Variants in ZFPM1 observed in about 807,000 individuals in gnomAD.
ZFPM1 encodes the protein zinc finger protein, FOG family member 1.
ZFPM1 carries 28 observed loss-of-function variants against 46.3 expected under a neutral mutation model. The ratio of observed to expected loss-of-function variants is 0.60; its 90% confidence interval spans 0.45 to 0.83. The LOEUF (loss-of-function observed/expected upper bound fraction) is 0.83, where lower values mean the gene tolerates loss of function less well. Among genes scored for constraint, ZFPM1 ranks in the 40% least tolerant of loss-of-function variants. ZFPM1 has a pLI of 0.00. For missense variants in ZFPM1, 1,878 were observed against 1,432.4 expected, an observed-to-expected ratio of 1.31 and a Z score of -5.02; for synonymous variants, 957 against 675.9, an observed-to-expected ratio of 1.42 and a Z score of -6.45.
chr16:88,492,970 T>A (rs1034417266), intron 3 of ZFPM1, among the ~76,000 whole-genome samples: 4 of 152,014 alleles, frequency 2.6e-5, no homozygotes, highest in African/African-American at 9.7e-5. Context: ...TGGGGAGCTG[T>A]CCCAGGGAGC....
At chr16:88,521,179 C>G (rs909853470) in intron 4 of ZFPM1, among the ~76,000 whole-genome samples, 1 of 151,816 alleles carries the variant, frequency 6.6e-6, no homozygotes, top group African/African-American at 2.4e-5. Flanking sequence ...TTCCCTCCCC[C>G]ATGCCGTTCC....
At chr16:88,484,732 C>T (rs910327575) in intron 1 of ZFPM1, among the ~76,000 whole-genome samples, 1 of 152,164 alleles carries the variant, frequency 6.6e-6, no homozygotes, top group Non-Finnish European at 1.5e-5. Flanking sequence ...TATGGAAGGG[C>T]ACCTCTGTCC....
At chr16:88,527,048 C>T (rs1043033355) in intron 5 of ZFPM1, 132 bp downstream of exon 5, 27 of 1,399,682 alleles carry the variant, frequency 1.9e-5, no homozygotes, top group Non-Finnish European at 2.5e-5. Flanking sequence ...CTGCTGGCCC[C>T]GGGCGCTGCA....
At chr16:88,499,659 C>T (rs1910140702) in intron 3 of ZFPM1, among the ~76,000 whole-genome samples, 1 of 152,220 alleles carries the variant, frequency 6.6e-6, no homozygotes, top group South Asian at 2.1e-4. Context: ...CAGGGGCAGA[C>T]AGAGGGAGAT....
In ZFPM1 at chr16:88,514,377, C is replaced by T; in HGVS notation, c.269-10C>T. On this transcript the variant is annotated splice_polypyrimidine_tract_variant and intron_variant, in intron 3 of 9. Coordinates refer to ENST00000319555, the MANE Select transcript of ZFPM1 (RefSeq NM_153813.3). ...CGGGCACGCCTCATGCCTGCGATGT[C>T]TCTCTGCAGACGAGCTGGAGCCGGT... 1.3e-6 allele frequency: 2 copies of T among 1,563,680 alleles called. No individual in the cohort carries two copies. The highest frequency in any genetic ancestry group is 1.7e-6 in the Non-Finnish European group (2 of 1,154,950).
At chr16:88,518,533 G>A in intron 4 of ZFPM1, among the ~76,000 whole-genome samples, 1 of 149,584 alleles carries the variant, frequency 6.7e-6, no homozygotes, top group East Asian at 1.9e-4. Flanking sequence ...ATGGATAGAT[G>A]GATGAGTGGA....
intron 3 of ZFPM1, among the ~76,000 whole-genome samples, chr16:88,502,061 C>G (rs1260541363): frequency 7.4e-6 from 1 of 135,220 alleles, no homozygotes; most frequent in Non-Finnish European, 1.6e-5. Context: ...CACCCGCCCC[C>G]CCCCATTTAT....
At position 88,497,675 on chromosome 16, in the gene ZFPM1, G is replaced by A. The variant is rs1038617334; in HGVS notation, c.268+8522G>A. Among the ~76,000 whole-genome samples, 1 of 152,138 alleles carries A rather than the reference G, an allele frequency of 6.6e-6. No homozygotes were observed. The highest frequency in any genetic ancestry group is 1.5e-5 in the Non-Finnish European group (1 of 68,010). On this transcript the variant is annotated intron_variant, in intron 3 of 9. Coordinates refer to ENST00000319555, the MANE Select transcript of ZFPM1 (RefSeq NM_153813.3). This position sits in a 1 kb window ranked among gnomAD's most constrained non-coding sequence, Gnocchi z 5.4. Reference sequence around the variant, plus strand: ...CGTGAGCGATCCGGTCCAGCATCCCGGCGCTGGGAGCCGGCAGCTGCTGTG... The same window carrying A: ...CGTGAGCGATCCGGTCCAGCATCCCAGCGCTGGGAGCCGGCAGCTGCTGTG...
At chr16:88,520,585 GA>G (rs1220846535) in intron 4 of ZFPM1, among the ~76,000 whole-genome samples, 5 of 138,032 alleles carry the variant, frequency 3.6e-5, no homozygotes, top group African/African-American at 1.3e-4. Flanking sequence ...TGGATGGATG[GA>G]TGGGAGGGTG....
At chr16:88,502,230 C>T (rs998574089) in intron 3 of ZFPM1, among the ~76,000 whole-genome samples, 1 of 152,130 alleles carries the variant, frequency 6.6e-6, no homozygotes, top group Non-Finnish European at 1.5e-5. Flanking sequence ...CCGCCATCGG[C>T]TCGAGGGCTG....
Position 88,533,626 on chromosome 16 carries a change from GGGCGCGGGCGCGGGCGCCGGC to G in ZFPM1, c.1675_1695del (p.Gly559_Ala565del). On this transcript the variant is annotated inframe_deletion, in exon 10 of 10. Coordinates refer to ENST00000319555, the MANE Select transcript of ZFPM1 (RefSeq NM_153813.3). Reference sequence around the variant, plus strand: ...AGCTGGTGCACAGCCGGCTGCAGCAGGGCGCGGGCGCGGGCGCCGGCGGCGCGCAGACCGGGCTCTTCCCCG... The same window carrying G: ...AGCTGGTGCACAGCCGGCTGCAGCAGGGCGCGCAGACCGGGCTCTTCCCCG... The G allele has an allele frequency of 6.9e-7, 1 of 1,451,072 alleles. No individual in the cohort carries two copies. The highest frequency in any genetic ancestry group is 9.1e-7 in the Non-Finnish European group (1 of 1,101,322). The allele number at this position is 1,451,072 out of a possible 1,614,324, so 89.9% of individuals were successfully genotyped here. A position where few individuals can be genotyped will look rare whatever the true frequency, so the allele number is the denominator to read the frequency against.
Position 88,507,263 on chromosome 16 carries a change from C to T in ZFPM1, c.269-7124C>T, listed in dbSNP as rs141444883. ...TTTTCACAGACGAGAGCAGGAGAAA[C>T]GGTCCCCATCATCCCCCGAGCTCTT... On this transcript the variant is annotated intron_variant, in intron 3 of 9. Coordinates refer to ENST00000319555, the MANE Select transcript of ZFPM1 (RefSeq NM_153813.3). 1.9e-3 allele frequency among the ~76,000 whole-genome samples: 284 copies of T among 152,266 alleles called. 1 individual carries two copies. The highest frequency in any genetic ancestry group is 0.01 in the Middle Eastern group (3 of 294).
chr16:88,497,986 G>A lies in ZFPM1; in HGVS notation c.268+8833G>A, dbSNP rs903908367. ...CTGGCTCCCTCCCCACCCGGTGTGC[G>A]TGGGTGGGAAATCATTCCAGCTATT... On this transcript the variant is annotated intron_variant, in intron 3 of 9. Transcript: ENST00000319555. The surrounding 1 kb of genome is among the most constrained non-coding windows in gnomAD (Gnocchi z 5.4). Among the ~76,000 whole-genome samples the A allele has an allele frequency of 2.0e-4, 30 of 152,322 alleles. No individual in the cohort carries two copies. Among genetic ancestry groups the A allele is most frequent in the Admixed American group, 1.4e-3 (22 of 15,304 alleles).
At chr16:88,460,589 C>T (rs961994732) in intron 1 of ZFPM1, among the ~76,000 whole-genome samples, 1 of 152,210 alleles carries the variant, frequency 6.6e-6, no homozygotes, top group East Asian at 1.9e-4. Flanking sequence ...GTGGCACTGA[C>T]TTAAGGACCC....
chr16:88,512,326 G>T (rs753022939), intron 3 of ZFPM1, among the ~76,000 whole-genome samples: 1 of 152,132 alleles, frequency 6.6e-6, no homozygotes, highest in Non-Finnish European at 1.5e-5. Flanking sequence ...AGGTGTGGAC[G>T]CTGCAGGCCC....
chr16:88,532,467 C>CGGAGGA (rs147824507), intron 7 of ZFPM1, 147 bp from the exon 8 acceptor site: 80 of 870,674 alleles, frequency 9.2e-5, no homozygotes, highest in Middle Eastern at 5.3e-4. Flanking sequence ...AGACAAAAGG[C>CGGAGGA]GGAGGAGGAG....
At chr16:88,496,890 G>A (rs1415156751) in intron 3 of ZFPM1, among the ~76,000 whole-genome samples, 1 of 152,190 alleles carries the variant, frequency 6.6e-6, no homozygotes, top group Admixed American at 6.5e-5. Flanking sequence ...AGGGAAACGG[G>A]GGCTCAGCAA....
At chr16:88,461,233 CCAGGG>C (rs1370293690) in intron 1 of ZFPM1, among the ~76,000 whole-genome samples, 28,537 of 113,638 alleles carry the variant, frequency 0.25, 4,297 homozygotes, top group East Asian at 0.36. Context: ...TGGTGAGGAC[CCAGGG>C]GTGGGGCGGG....
In ZFPM1 at chr16:88,486,026, C is replaced by G. The variant is rs1024986850; in HGVS notation, c.128C>G (p.Pro43Arg). The G allele has an allele frequency of 6.2e-7, 1 of 1,612,098 alleles. No homozygotes were observed. The highest frequency in any genetic ancestry group is 1.7e-5 in the Admixed American group (1 of 59,934). The change falls in exon 2 of 10, where the codon CCG (proline) becomes CGG (arginine). Residue 43 changes from proline to arginine, a missense_variant. Pro to Arg is a moderately radical substitution (Grantham distance 103). Coordinates refer to ENST00000319555, the MANE Select transcript of ZFPM1 (RefSeq NM_153813.3). The stretch of plus-strand genomic sequence containing the variant: ...CAAAAGGCCACGGCACCTGAAGCCC[C>G]GAGCCCTCCCAGCGCAGGTGAGTCA... Reference protein sequence around the residue: ...MEQKATAPEAPSPPSADVNSP... With the variant: ...MEQKATAPEARSPPSADVNSP...
Sources: gnomAD v4.1 joint callset for allele counts (sites outside exome capture counted in the v4.1 genomes callset) on GRCh38, gnomAD v4.1.1 for gene constraint, Gnocchi (gnomAD v3.1) non-coding constraint, MANE v1.5 for transcripts, NCBI Gene and HGNC (gene_info 2026-07-23, HGNC 2026-07-21) for gene names.